CRYBG1: variants seen among roughly 807,000 people sequenced by gnomAD.
The protein encoded by CRYBG1 is crystallin beta-gamma domain containing 1.
In CRYBG1, 139 loss-of-function variants were observed where a neutral mutation model predicts 189.2. The observed-to-expected ratio is 0.73, with a 90% confidence interval of 0.64 to 0.85. CRYBG1 has a LOEUF of 0.85. CRYBG1 is among the 40% of genes least tolerant of loss of function. CRYBG1 has a pLI of 0.00. For synonymous variants in CRYBG1, 1,023 were observed against 1,017.1 expected (o/e 1.01, Z -0.11); for missense variants, 2,611 against 2,675.8 (o/e 0.98, Z 0.53).
intron 1 of CRYBG1, among the ~76,000 whole-genome samples, chr6:106,431,657 A>G (rs1333602070): frequency 6.6e-6 from 1 of 152,216 alleles, no homozygotes; most frequent in African/African-American, 2.4e-5. Context: ...CTATGAGGGG[A>G]GAAAAATACA....
At chr6:106,426,448 A>G (rs1771228179) in intron 1 of CRYBG1, among the ~76,000 whole-genome samples, 1 of 152,050 alleles carries the variant, frequency 6.6e-6, no homozygotes, top group Non-Finnish European at 1.5e-5. Context: ...TATACTTGCT[A>G]TTTTCGTTTC....
At chr6:106,431,759 C>T (rs1008599857) in intron 1 of CRYBG1, among the ~76,000 whole-genome samples, 1 of 152,134 alleles carries the variant, frequency 6.6e-6, no homozygotes, top group Non-Finnish European at 1.5e-5. Flanking sequence ...GCAGAAGTGA[C>T]AAAGGGGCCC....
chr6:106,560,892 G>A lies in CRYBG1; in HGVS notation c.5945G>A (p.Cys1982Tyr), dbSNP rs202229456. Residue 1982 changes from cysteine to tyrosine, a missense_variant, in exon 19 of 22, where the codon TGT (cysteine) becomes TAT (tyrosine). This residue lies in a region of CRYBG1 where 1,622 missense variants were observed against 1,735.0 expected (regional missense o/e 0.93). Transcript: ENST00000633556. The part of the protein sequence containing the change: ...EVPNWYEFSG[C>Y]RQIGSLRPFV... ...CCTAATTGGTATGAATTCAGTGGCT[G>A]TCGCCAAATAGGTTCTCTACGACCT... 2.4e-5 allele frequency: 38 copies of A among 1,612,472 alleles called. No individual in the cohort carries two copies. The East Asian group carries it at 3.1e-4, about 13-fold the overall frequency.
intron 21 of CRYBG1, among the ~76,000 whole-genome samples, chr6:106,564,761 T>TA (rs766696998): frequency 6.6e-6 from 1 of 152,192 alleles, no homozygotes; most frequent in Non-Finnish European, 1.5e-5. Flanking sequence ...AGTGTGTTGC[T>TA]ATTGACAGGT....
rs532831805 is a variant in CRYBG1, at chr6:106,462,164, TTTTTGTTTTG to T, written c.312+10348_312+10357del. ...GTTTTTTGTTTGTTTGTTTTTTGTT[TTTTTGTTTTG>T]TTTTGTTTTGTTTTGAGACGGAGTC... is the stretch of plus-strand genomic sequence containing the variant. On this transcript the variant is annotated intron_variant, in intron 2 of 21. Coordinates refer to ENST00000633556, the MANE Select transcript of CRYBG1 (RefSeq NM_001371242.2). Among the ~76,000 whole-genome samples the T allele has an allele frequency of 9.2e-5, 14 of 152,206 alleles. 1 individual carries two copies. Among genetic ancestry groups the T allele is most frequent in the South Asian group, 4.1e-4 (2 of 4,820 alleles).
At chr6:106,562,150 C>A (rs960318886) in intron 20 of CRYBG1, among the ~76,000 whole-genome samples, 7 of 152,080 alleles carry the variant, frequency 4.6e-5, no homozygotes, top group African/African-American at 1.4e-4. Context: ...CAAAAAAAAC[C>A]TGGTGCCCCG....
chr6:106,530,212 C>T lies in CRYBG1; in HGVS notation c.4615C>T (p.Pro1539Ser). The change falls in exon 8 of 22, where the codon CCA (proline) becomes TCA (serine). Residue 1539 changes from proline (P) to serine (S), a missense_variant. This residue lies in a region of CRYBG1 where 1,622 missense variants were observed against 1,735.0 expected (regional missense o/e 0.93). Transcript: ENST00000633556. ...RVSHIDLFTE[P>S]EGLGILSSYF... ...TAGTCACATTGACTTATTTACTGAA[C>T]CAGAAGGGTTAGGAATCCTAAGTTC... 1 of 1,613,016 alleles carries T rather than the reference C, an allele frequency of 6.2e-7. No homozygotes were observed. Among genetic ancestry groups the T allele is most frequent in the Non-Finnish European group, 8.5e-7 (1 of 1,179,406 alleles).
At chr6:106,412,853 G>A (rs549764796) in intron 1 of CRYBG1, among the ~76,000 whole-genome samples, 40 of 151,334 alleles carry the variant, frequency 2.6e-4, no homozygotes, top group African/African-American at 8.3e-4. Flanking sequence ...GGCTGCAGGA[G>A]AGCCTTCTAT....
chr6:106,513,697 A>G (rs1346560648), intron 3 of CRYBG1, among the ~76,000 whole-genome samples: 1 of 152,232 alleles, frequency 6.6e-6, no homozygotes, highest in Non-Finnish European at 1.5e-5. Flanking sequence ...ATTATTTGCT[A>G]CATGAAAGCA....
At chr6:106,475,776 A>G (rs977491903) in intron 2 of CRYBG1, among the ~76,000 whole-genome samples, 1 of 152,246 alleles carries the variant, frequency 6.6e-6, no homozygotes, top group Non-Finnish European at 1.5e-5. Context: ...GGCTTTGTTT[A>G]GATGAACTGG....
At chr6:106,363,811 C>T (rs192496983) in intron 1 of CRYBG1, among the ~76,000 whole-genome samples, 33 of 152,250 alleles carry the variant, frequency 2.2e-4, no homozygotes, top group Middle Eastern at 3.4e-3. Context: ...AGGATGCTGA[C>T]TCTGTAGGGT....
At position 106,361,097 on chromosome 6, in the gene CRYBG1, G is replaced by C; in HGVS notation, c.173+16G>C. On this transcript the variant is annotated intron_variant, in intron 1 of 21. Coordinates refer to ENST00000633556, the MANE Select transcript of CRYBG1 (RefSeq NM_001371242.2). Reference sequence around the variant, plus strand: ...GAGAGGCCAGGTGAGCTCCTCGCCCGAGCCCTCCAGTCCCACCTCCTCCTC... The same window carrying C: ...GAGAGGCCAGGTGAGCTCCTCGCCCCAGCCCTCCAGTCCCACCTCCTCCTC... 1 of 1,533,222 alleles carries C rather than the reference G, an allele frequency of 6.5e-7. No homozygotes were observed. The highest frequency in any genetic ancestry group is 8.7e-7 in the Non-Finnish European group (1 of 1,145,720). The allele number at this position is 1,533,222 out of a possible 1,614,324, so 95.0% of individuals were successfully genotyped here.
At chr6:106,497,785 A>G (rs936005220) in intron 2 of CRYBG1, among the ~76,000 whole-genome samples, 1 of 152,240 alleles carries the variant, frequency 6.6e-6, no homozygotes, top group South Asian at 2.1e-4. Flanking sequence ...TGGCACATGC[A>G]GGTTCTTAAG....
intron 1 of CRYBG1, among the ~76,000 whole-genome samples, chr6:106,429,005 C>G (rs1376565989): frequency 6.6e-6 from 1 of 152,206 alleles, no homozygotes; most frequent in Admixed American, 6.5e-5. Context: ...CTGCTGTTCA[C>G]TTGGTATTAG....
intron 1 of CRYBG1, among the ~76,000 whole-genome samples, chr6:106,448,299 G>A (rs1318321136): frequency 6.6e-6 from 1 of 152,170 alleles, no homozygotes; most frequent in Non-Finnish European, 1.5e-5. Flanking sequence ...CCTCTCAAGG[G>A]GAAGCAGAGG....
At position 106,561,416 on chromosome 6, in the gene CRYBG1, G is replaced by A. The variant is rs184816023; in HGVS notation, c.6054G>A (p.Leu2018=). The change falls in exon 20 of 22, where the codon CTG becomes CTA. Residue 2018 remains leucine, a synonymous_variant. Transcript: ENST00000633556. ...FMSTNGNLED[L]KLLRIQVMED... ...CAACCAATGGAAACTTAGAGGATCT[G>A]AAGCTTCTGAGGATACAGGTCATGG... 3.1e-6 allele frequency: 5 copies of A among 1,614,196 alleles called. No homozygotes were observed. The East Asian group carries it at 6.7e-5, about 22-fold the overall frequency.
intron 1 of CRYBG1, among the ~76,000 whole-genome samples, chr6:106,403,616 C>G (rs977176305): frequency 3.3e-5 from 5 of 152,224 alleles, no homozygotes; most frequent in African/African-American, 1.2e-4. Flanking sequence ...GTAAAACACA[C>G]ATATACACAC....
At position 106,521,114 on chromosome 6, in the gene CRYBG1, T is replaced by A; in HGVS notation, c.3906T>A (p.Asn1302Lys). Residue 1302 changes from asparagine (N) to lysine (K), a missense_variant, in exon 4 of 22, where the codon AAT (asparagine) becomes AAA (lysine). By Grantham distance (94) the Asn-to-Lys change is moderately conservative (BLOSUM62 0). Coordinates refer to ENST00000633556, the MANE Select transcript of CRYBG1 (RefSeq NM_001371242.2). ...GTGGTTTGAACAAAGAACAGTCAAATCTTCTGCCCGACAACTCCTTAAAGG... is the reference window on the plus strand; with the variant it reads ...GTGGTTTGAACAAAGAACAGTCAAAACTTCTGCCCGACAACTCCTTAAAGG... The part of the protein sequence containing the change: ...PPCGLNKEQS[N>K]LLPDNSLKVF... 1 of 1,614,124 alleles carries A rather than the reference T, an allele frequency of 6.2e-7. No homozygotes were observed. Among genetic ancestry groups the A allele is most frequent in the Non-Finnish European group, 8.5e-7 (1 of 1,180,024 alleles).
chr6:106,466,264 G>A (rs1669564355), intron 2 of CRYBG1, among the ~76,000 whole-genome samples: 1 of 152,216 alleles, frequency 6.6e-6, no homozygotes, highest in Admixed American at 6.5e-5. Flanking sequence ...GAATTAGTAG[G>A]TGGATTACAG....
Sources: allele counts gnomAD v4.1 joint callset (sites outside exome capture counted in the v4.1 genomes callset), GRCh38; gene constraint gnomAD v4.1.1; regional missense constraint gnomAD v4.1.1; transcripts MANE v1.5; gene names NCBI Gene and HGNC (gene_info 2026-07-23, HGNC 2026-07-21).